SGCD: variants seen among roughly 807,000 people sequenced by gnomAD.
SGCD encodes the protein sarcoglycan delta.
In SGCD, 18 loss-of-function variants were observed where a neutral mutation model predicts 36.6. The ratio of observed to expected loss-of-function variants is 0.49; its 90% confidence interval spans 0.34 to 0.73. The LOEUF is 0.73. Among genes scored for constraint, SGCD ranks in the 30% least tolerant of loss-of-function variants. The probability of loss-of-function intolerance (pLI) is 0.01; values close to 1 mark genes in which losing one functional copy is unlikely to be tolerated. For synonymous variants in SGCD, 133 were observed against 130.6 expected (o/e 1.02, Z -0.12); for missense variants, 387 against 346.7 (o/e 1.12, Z -0.92).
chr5:156,312,411 A>G (rs2127691263), intron 3 of SGCD, among the ~76,000 whole-genome samples: 1 of 152,298 alleles, frequency 6.6e-6, no homozygotes, highest in Non-Finnish European at 1.5e-5. Context: ...CCACATAGGG[A>G]TTCTAAAACC....
At chr5:156,249,694 A>G (rs1765526903) in intron 3 of SGCD, among the ~76,000 whole-genome samples, 1 of 149,802 alleles carries the variant, frequency 6.7e-6, no homozygotes, top group Non-Finnish European at 1.5e-5. Context: ...TTGGGATAAA[A>G]CAATTACTTC....
intron 3 of SGCD, among the ~76,000 whole-genome samples, chr5:156,443,104 C>T (rs1032920265): frequency 1.3e-5 from 2 of 152,132 alleles, no homozygotes; most frequent in Non-Finnish European, 1.5e-5. Context: ...CCTGTCTCAG[C>T]CTCCCGAGTA....
chr5:156,288,527 A>T (rs1766675156), intron 3 of SGCD, among the ~76,000 whole-genome samples: 1 of 152,166 alleles, frequency 6.6e-6, no homozygotes, highest in Non-Finnish European at 1.5e-5. Flanking sequence ...TGTCCAAAAG[A>T]GAACCAACTA....
intron 1 of SGCD, among the ~76,000 whole-genome samples, chr5:155,990,029 C>T (rs1196060335): frequency 6.6e-6 from 1 of 152,212 alleles, no homozygotes; most frequent in East Asian, 1.9e-4. Flanking sequence ...CCCTCTACCA[C>T]TTCTGGGAAA....
chr5:156,082,356 T>G (rs1166230859), intron 1 of SGCD, among the ~76,000 whole-genome samples: 1 of 152,082 alleles, frequency 6.6e-6, no homozygotes, highest in Admixed American at 6.5e-5. Flanking sequence ...AGTGCCATAT[T>G]TTGGAGTATC....
At chr5:156,166,795 C>G (rs1763226442) in intron 3 of SGCD, among the ~76,000 whole-genome samples, 1 of 152,202 alleles carries the variant, frequency 6.6e-6, no homozygotes, top group Non-Finnish European at 1.5e-5. Context: ...ATTACTCAAA[C>G]ACTTTCCACT....
At chr5:156,000,815 T>TATATATATATATA (rs200807025) in intron 1 of SGCD, among the ~76,000 whole-genome samples, 1 of 151,608 alleles carries the variant, frequency 6.6e-6, no homozygotes, top group African/African-American at 2.4e-5. Flanking sequence ...TATATATATA[T>TATATATATATATA]TTTTGCCCTC....
chr5:156,527,551 C>T (rs1237144510), intron 4 of SGCD, among the ~76,000 whole-genome samples: 2 of 152,214 alleles, frequency 1.3e-5, no homozygotes, highest in Non-Finnish European at 2.9e-5. Flanking sequence ...TCTGGCTTCT[C>T]TTCTCACTGT....
At chr5:155,878,216 T>C (rs1429007511) in intron 1 of SGCD, among the ~76,000 whole-genome samples, 1 of 152,110 alleles carries the variant, frequency 6.6e-6, no homozygotes, top group Non-Finnish European at 1.5e-5. Context: ...TATTATCTCA[T>C]CCTATAATAA....
At chr5:155,965,942 A>G (rs895917703) in intron 1 of SGCD, among the ~76,000 whole-genome samples, 1 of 152,068 alleles carries the variant, frequency 6.6e-6, no homozygotes, top group African/African-American at 2.4e-5. Flanking sequence ...GCTGAGTTTA[A>G]TAATATGGGT....
At chr5:156,736,362 C>T (rs1471660337) in intron 7 of SGCD, among the ~76,000 whole-genome samples, 1 of 152,158 alleles carries the variant, frequency 6.6e-6, no homozygotes, top group Non-Finnish European at 1.5e-5. Flanking sequence ...ATATTTTACC[C>T]AAAGATTTGG....
intron 1 of SGCD, among the ~76,000 whole-genome samples, chr5:155,964,473 G>C (rs1757863094): frequency 2.0e-5 from 3 of 151,878 alleles, no homozygotes; most frequent in African/African-American, 4.8e-5. Context: ...CGAATAGGTG[G>C]GATTACAGGC....
intron 1 of SGCD, among the ~76,000 whole-genome samples, chr5:156,021,907 A>G (rs143363886): frequency 5.9e-4 from 90 of 152,298 alleles, no homozygotes; most frequent in African/African-American, 2.0e-3. Context: ...TATACAGTTC[A>G]TCCATTTAAA....
At chr5:156,313,502 G>A (rs909620695) in intron 3 of SGCD, among the ~76,000 whole-genome samples, 1 of 152,020 alleles carries the variant, frequency 6.6e-6, no homozygotes, top group Non-Finnish European at 1.5e-5. Flanking sequence ...GGCTGCTATG[G>A]TTATATGTAA....
At chr5:156,366,950 A>G (rs1022369516) in intron 3 of SGCD, among the ~76,000 whole-genome samples, 1 of 152,238 alleles carries the variant, frequency 6.6e-6, no homozygotes, top group Non-Finnish European at 1.5e-5. Context: ...TTTATCTTCT[A>G]TAAAGAAATC....
intron 4 of SGCD, among the ~76,000 whole-genome samples, chr5:156,576,284 A>G (rs755394234): frequency 2.6e-5 from 4 of 152,144 alleles, no homozygotes; most frequent in Non-Finnish European, 4.4e-5. Flanking sequence ...ATAGTATTCC[A>G]TGGTGTATAT....
intron 3 of SGCD, among the ~76,000 whole-genome samples, chr5:156,353,380 T>C (rs1487616024): frequency 6.6e-6 from 1 of 152,204 alleles, no homozygotes; most frequent in Non-Finnish European, 1.5e-5. Context: ...AATTTGATTA[T>C]GAAAAGGTAT....
intron 3 of SGCD, among the ~76,000 whole-genome samples, chr5:156,357,118 G>T (rs1272144770): frequency 6.6e-6 from 1 of 152,152 alleles, no homozygotes; most frequent in Non-Finnish European, 1.5e-5. Flanking sequence ...TACAATCTGT[G>T]CAACAGTACC....
chr5:156,349,714 C>T (rs1199718778), intron 3 of SGCD, among the ~76,000 whole-genome samples: 2 of 152,084 alleles, frequency 1.3e-5, no homozygotes, highest in Non-Finnish European at 2.9e-5. Flanking sequence ...AGTAGACCTA[C>T]CATTTGATCC....
Sources: allele counts gnomAD v4.1 joint callset (sites outside exome capture counted in the v4.1 genomes callset), GRCh38; gene constraint gnomAD v4.1.1; transcripts MANE v1.5; gene names NCBI Gene and HGNC (gene_info 2026-07-23, HGNC 2026-07-21).